The following PITPNC1 variants were observed in gnomAD, a reference collection of about 807,000 sequenced individuals.
PITPNC1 encodes the protein phosphatidylinositol transfer protein cytoplasmic 1, also known as cytoplasmic phosphatidylinositol transfer protein 1.
Under a neutral mutation model 44.7 loss-of-function variants are expected in PITPNC1, and 18 were observed. That is an observed-to-expected ratio of 0.40 (90% CI 0.28 to 0.60). The LOEUF is 0.60. PITPNC1 is among the 20% of genes least tolerant of loss of function. The pLI, the probability that PITPNC1 is intolerant of heterozygous loss-of-function variation, is 0.39. For missense variants in PITPNC1, 290 were observed against 418.4 expected (o/e 0.69, Z 2.68); for synonymous variants, 141 against 149.6 (o/e 0.94, Z 0.42).
chr17:67,421,120 G>A (rs921399383), intron 1 of PITPNC1, among the ~76,000 whole-genome samples: 3 of 152,096 alleles, frequency 2.0e-5, no homozygotes, highest in Non-Finnish European at 2.9e-5. Flanking sequence ...TAGGCTGAGA[G>A]AAAGCTTTCT....
intron 4 of PITPNC1, 147 bp downstream of exon 4, chr17:67,553,764 C>G (rs950974456): frequency 4.8e-6 from 2 of 418,418 alleles, no homozygotes; most frequent in African/African-American, 4.1e-5. Context: ...GCTATTGCAT[C>G]GTTATATATA....
At chr17:67,554,183 G>A (rs1299612235) in intron 4 of PITPNC1, among the ~76,000 whole-genome samples, 1 of 151,514 alleles carries the variant, frequency 6.6e-6, no homozygotes, top group East Asian at 1.9e-4. Context: ...TTGTGTTGTG[G>A]TATTTTCATT....
chr17:67,571,523 C>G (rs545569235), intron 4 of PITPNC1, among the ~76,000 whole-genome samples: 4 of 151,550 alleles, frequency 2.6e-5, no homozygotes, highest in Non-Finnish European at 5.9e-5. Context: ...CTAGCTGGGT[C>G]CTTGGCTCAG....
At chr17:67,573,089 G>A (rs2041085225) in intron 4 of PITPNC1, among the ~76,000 whole-genome samples, 1 of 152,186 alleles carries the variant, frequency 6.6e-6, no homozygotes, top group Admixed American at 6.5e-5. Context: ...CGCAGTTTGT[G>A]GAATTGGCTA....
At chr17:67,627,437 G>T (rs1364207144) in intron 5 of PITPNC1, among the ~76,000 whole-genome samples, 1 of 152,198 alleles carries the variant, frequency 6.6e-6, no homozygotes, top group African/African-American at 2.4e-5. Flanking sequence ...AATTAGGCAC[G>T]CTGTTAATGA....
chr17:67,455,412 G>GT (rs1365454196), intron 1 of PITPNC1, among the ~76,000 whole-genome samples: 1 of 151,934 alleles, frequency 6.6e-6, no homozygotes, highest in Admixed American at 6.6e-5. Context: ...TAATCACTGG[G>GT]TGACAGGGTA....
intron 1 of PITPNC1, among the ~76,000 whole-genome samples, chr17:67,423,766 C>T (rs1020288644): frequency 6.6e-6 from 1 of 152,090 alleles, no homozygotes; most frequent in Non-Finnish European, 1.5e-5. Context: ...GTGGCTCCTT[C>T]AAGAGCAGTT....
chr17:67,661,834 T>TA (rs1388222709), intron 6 of PITPNC1, among the ~76,000 whole-genome samples: 1 of 151,892 alleles, frequency 6.6e-6, no homozygotes, highest in Non-Finnish European at 1.5e-5. Flanking sequence ...CCATCTCTAC[T>TA]AAAAATACAA....
chr17:67,462,090 G>T (rs1251370847), intron 1 of PITPNC1, among the ~76,000 whole-genome samples: 1 of 151,924 alleles, frequency 6.6e-6, no homozygotes, highest in Non-Finnish European at 1.5e-5. Context: ...AGTGCTGTTG[G>T]TGGTTGTCTT....
At chr17:67,476,593 C>CA (rs775682571) in intron 1 of PITPNC1, among the ~76,000 whole-genome samples, 12 of 150,510 alleles carry the variant, frequency 8.0e-5, no homozygotes, top group South Asian at 6.3e-4. Context: ...ACCTGGGAAA[C>CA]AAAAAAAAAT....
rs1555669446 is a variant in PITPNC1 at position 67,575,819 on chromosome 17, T to TTTCTTTCCTTCCTTCC, written c.295-2364_295-2363insTTTCCTTCCTTCCTTC. Among the ~76,000 whole-genome samples the TTTCTTTCCTTCCTTCC allele has an allele frequency of 1.5e-3, 162 of 108,522 alleles. 1 individual carries two copies. The highest frequency in any genetic ancestry group is 5.5e-3 in the African/African-American group (152 of 27,814). 71.2% of individuals were successfully genotyped at this position (108,522 alleles called of 152,430 possible). ...CCTTCTTTCTTTCTTTCTTTCTTTC[T>TTTCTTTCCTTCCTTCC]TTCCTTCCTTCCTTCCTTCCTTCTT... On this transcript the variant is annotated intron_variant, in intron 4 of 8. Transcript: ENST00000581322.
At chr17:67,402,074 G>A (rs896141478) in intron 1 of PITPNC1, among the ~76,000 whole-genome samples, 1 of 152,152 alleles carries the variant, frequency 6.6e-6, no homozygotes, top group Non-Finnish European at 1.5e-5. Context: ...CAATATTTTA[G>A]ACTTGCAAGC....
chr17:67,606,654 C>T (rs571403766), intron 5 of PITPNC1, among the ~76,000 whole-genome samples: 2 of 152,264 alleles, frequency 1.3e-5, no homozygotes, highest in East Asian at 1.9e-4. Flanking sequence ...CTGCTATCAG[C>T]AACCACGATA....
In PITPNC1 at chr17:67,412,386, C is replaced by T. The variant is rs1465641490; in HGVS notation, c.48+34184C>T. Among the ~76,000 whole-genome samples the T allele has an allele frequency of 3.3e-5, 5 of 152,174 alleles. No individual in the cohort carries two copies. In the East Asian group the frequency reaches 9.7e-4, roughly 29 times the overall value. ...CAAGCTCCAGGAGCCTTGGAATTAG[C>T]CAAGTTCTCCAACTCGACTGGAGAC... On this transcript the variant is annotated intron_variant, in intron 1 of 8. Transcript: ENST00000581322.
intron 5 of PITPNC1, among the ~76,000 whole-genome samples, chr17:67,598,707 T>C (rs1173305591): frequency 6.6e-6 from 1 of 151,974 alleles, no homozygotes; most frequent in African/African-American, 2.4e-5. Flanking sequence ...CTGGCCAACA[T>C]GGTGAAACCC....
At chr17:67,573,148 T>A (rs1224599664) in intron 4 of PITPNC1, among the ~76,000 whole-genome samples, 3 of 152,216 alleles carry the variant, frequency 2.0e-5, no homozygotes, top group Admixed American at 1.3e-4. Context: ...TCGCGTTCAT[T>A]CTGGACCTTT....
chr17:67,393,542 A>G (rs2038170317), intron 1 of PITPNC1, among the ~76,000 whole-genome samples: 1 of 152,208 alleles, frequency 6.6e-6, no homozygotes. Context: ...GAAAATGACA[A>G]CATGGACGCA....
At chr17:67,652,856 C>A (rs1364685108) in intron 6 of PITPNC1, among the ~76,000 whole-genome samples, 1 of 152,142 alleles carries the variant, frequency 6.6e-6, no homozygotes, top group Admixed American at 6.5e-5. Context: ...TGTGTCCCCC[C>A]AGAAAGCTAG....
At chr17:67,606,223 A>G (rs544139045) in intron 5 of PITPNC1, among the ~76,000 whole-genome samples, 1 of 152,252 alleles carries the variant, frequency 6.6e-6, no homozygotes, top group Non-Finnish European at 1.5e-5. Context: ...TACATAAGTC[A>G]TGAAAAATGG....
Sources: gnomAD v4.1 joint callset for allele counts (sites outside exome capture counted in the v4.1 genomes callset) on GRCh38, gnomAD v4.1.1 for gene constraint, MANE v1.5 for transcripts, NCBI Gene and HGNC (gene_info 2026-07-23, HGNC 2026-07-21) for gene names.